Variants in SCN4A observed in about 807,000 individuals in gnomAD.
SCN4A encodes sodium voltage-gated channel alpha subunit 4.
A neutral mutation model predicts 162.0 loss-of-function variants in SCN4A; 83 were observed. The observed-to-expected ratio is 0.51, with a 90% CI of 0.43 to 0.61. SCN4A has a LOEUF of 0.61. Ranked by LOEUF, SCN4A falls within the 20% of genes least tolerant of loss-of-function variation. SCN4A has a pLI of 0.00. For synonymous variants in SCN4A, 944 were observed against 985.1 expected, an observed-to-expected ratio of 0.96 and a Z score of 0.78; for missense variants, 2,196 against 2,462.5, an observed-to-expected ratio of 0.89 and a Z score of 2.29.
At chr17:63,952,981 AT>A (rs1908961672) in intron 13 of SCN4A, among the ~76,000 whole-genome samples, 1 of 152,194 alleles carries the variant, frequency 6.6e-6, no homozygotes, top group East Asian at 1.9e-4. Flanking sequence ...CTCTGAGGCA[AT>A]TTGCCTCACT....
At position 63,945,014 on chromosome 17, in the gene SCN4A, G is replaced by T; in HGVS notation, c.3767C>A (p.Ser1256Tyr). The T allele has an allele frequency of 6.2e-7, 1 of 1,613,912 alleles. No homozygotes were observed. Among genetic ancestry groups the T allele is most frequent in the Non-Finnish European group, 8.5e-7 (1 of 1,179,848 alleles). Residue 1256 changes from serine to tyrosine, a missense_variant, in exon 20 of 24, where the codon TCC (serine) becomes TAC (tyrosine). Physicochemically the swap from Ser to Tyr is moderately radical, Grantham distance 144. Coordinates refer to ENST00000435607, the MANE Select transcript of SCN4A (RefSeq NM_000334.4). This position sits in a 1 kb window ranked among gnomAD's most constrained non-coding sequence, Gnocchi z 4.4. ...TCAGCGACCCCGACTCACCTCCCGG[G>T]AGTCCACGGCTGCATACATGATGTC... ...WMDIMYAAVDSREKEEQPQYE... is the reference protein window; with the variant it reads ...WMDIMYAAVDYREKEEQPQYE...
In SCN4A at chr17:63,951,170, G is replaced by A. The variant is rs1244876918; in HGVS notation, c.2853+254C>T. On this transcript the variant is annotated intron_variant, in intron 14 of 23. Coordinates refer to ENST00000435607, the MANE Select transcript of SCN4A (RefSeq NM_000334.4). The surrounding 1 kb of genome is among the most constrained non-coding windows in gnomAD (Gnocchi z 4.5). Reference sequence around the variant, plus strand: ...GAGAGGGGCCCAGGTGTTCTGGTCCGAGGGAATCAGGGTTTCTGGACAGAC... The same window carrying A: ...GAGAGGGGCCCAGGTGTTCTGGTCCAAGGGAATCAGGGTTTCTGGACAGAC... Among the ~76,000 whole-genome samples the A allele has an allele frequency of 2.0e-5, 3 of 152,198 alleles. No individual in the cohort carries two copies. The highest frequency in any genetic ancestry group is 7.2e-5 in the African/African-American group (3 of 41,446).
In SCN4A at chr17:63,940,309, T is replaced by G; in HGVS notation, c.*462A>C. 1 of 160,926 alleles carries G rather than the reference T, an allele frequency of 6.2e-6. No homozygotes were observed. The highest frequency in any genetic ancestry group is 1.3e-5 in the Non-Finnish European group (1 of 74,426). 10.0% of individuals were successfully genotyped at this position (160,926 alleles called of 1,614,324 possible). The stretch of plus-strand genomic sequence containing the variant: ...GTTAGGTGTCTGCACTCCCTGAGGT[T>G]AAGACATCTTTGTCTGGGCTGGGGC... On this transcript the variant is annotated 3_prime_UTR_variant, in exon 24 of 24. Coordinates refer to ENST00000435607, the MANE Select transcript of SCN4A (RefSeq NM_000334.4).
At chr17:63,942,050 G>A (rs564542671) in intron 23 of SCN4A, 57 bp from the exon 24 acceptor site, 3 of 1,492,212 alleles carry the variant, frequency 2.0e-6, no homozygotes, top group Admixed American at 2.3e-5. Flanking sequence ...GGCACAGGGT[G>A]TGGGGAGCAT....
chr17:63,966,624 T>G, intron 6 of SCN4A, 80 bp from the exon 7 acceptor site: 1 of 1,044,652 alleles, frequency 9.6e-7, no homozygotes, highest in South Asian at 1.3e-5. Flanking sequence ...TGCACACCTG[T>G]GGACAGGTCT....
chr17:63,964,945 G>T (rs1281250406), intron 8 of SCN4A, among the ~76,000 whole-genome samples: 1 of 152,234 alleles, frequency 6.6e-6, no homozygotes, highest in Non-Finnish European at 1.5e-5. Flanking sequence ...ATAGAAAATT[G>T]GTGAACATGG....
intron 13 of SCN4A, among the ~76,000 whole-genome samples, chr17:63,955,392 C>G (rs937726490): frequency 4.6e-5 from 7 of 152,242 alleles, no homozygotes; most frequent in African/African-American, 1.7e-4. Flanking sequence ...AACACCTGTA[C>G]TCCCAGCCAC....
intron 8 of SCN4A, among the ~76,000 whole-genome samples, chr17:63,965,460 G>A (rs1030437365): frequency 6.6e-6 from 1 of 151,992 alleles, no homozygotes; most frequent in Admixed American, 6.6e-5. Flanking sequence ...AACAGTAGAA[G>A]GCAAATAAAG....
chr17:63,967,083 G>A (rs1028376389), intron 6 of SCN4A, among the ~76,000 whole-genome samples: 3 of 152,144 alleles, frequency 2.0e-5, no homozygotes, highest in Non-Finnish European at 4.4e-5. Context: ...GTGGTGTGAT[G>A]AAGGAGGACA....
rs532827016 is a variant in SCN4A at position 63,957,179 on chromosome 17, C to A, written c.2359G>T (p.Val787Phe). 3.8e-6 allele frequency: 6 copies of A among 1,577,706 alleles called. No homozygotes were observed. The African/African-American group carries it at 6.7e-5, about 18-fold the overall frequency. Residue 787 changes from valine (V) to phenylalanine (F), a missense_variant, in exon 13 of 24, where the codon GTC (valine) becomes TTC (phenylalanine). Val to Phe is a conservative substitution (Grantham distance 50, BLOSUM62 -1). Coordinates refer to ENST00000435607, the MANE Select transcript of SCN4A (RefSeq NM_000334.4). ...MCLTVFLMVM[V>F]IGNLVVLNLF... Reference sequence around the variant, plus strand: ...TCACTCACCACAAGATTGCCGATGACCATGACCATGAGGAAGACGGTGAGG... The same window carrying A: ...TCACTCACCACAAGATTGCCGATGAACATGACCATGAGGAAGACGGTGAGG...
At chr17:63,953,668 C>A (rs1235744336) in intron 13 of SCN4A, among the ~76,000 whole-genome samples, 14 of 144,706 alleles carry the variant, frequency 9.7e-5, no homozygotes, top group Non-Finnish European at 1.5e-4. Context: ...GGTGACAGTG[C>A]GAGACCCTGC....
Position 63,972,324 on chromosome 17 carries a change from C to T in SCN4A, c.392+28G>A, listed in dbSNP as rs932403995. ...CCCATCTCGCCCATCCCTAACCCCT[C>T]CCGCCTCTCCCATCTTGGGCAGGAT... On this transcript the variant is annotated intron_variant, in intron 2 of 23. Coordinates refer to ENST00000435607, the MANE Select transcript of SCN4A (RefSeq NM_000334.4). The surrounding 1 kb of genome is among the most constrained non-coding windows in gnomAD (Gnocchi z 4.3). 36 of 1,605,758 alleles carry T rather than the reference C, an allele frequency of 2.2e-5. No individual in the cohort carries two copies. The highest frequency in any genetic ancestry group is 2.9e-5 in the Non-Finnish European group (34 of 1,174,326).
At chr17:63,955,061 G>A (rs1052302562) in intron 13 of SCN4A, among the ~76,000 whole-genome samples, 5 of 152,320 alleles carry the variant, frequency 3.3e-5, no homozygotes, top group Admixed American at 2.6e-4. Context: ...CTAAATAAAT[G>A]TCAGCTGTCA....
chr17:63,971,871 C>T lies in SCN4A; in HGVS notation c.483-21G>A, dbSNP rs9892202. The T allele has an allele frequency of 9.1e-4, 1,472 of 1,612,830 alleles. 15 individuals carry two copies. In the African/African-American group the frequency reaches 0.018, roughly 19 times the overall value. On this transcript the variant is annotated intron_variant, in intron 3 of 23. Transcript: ENST00000435607. The stretch of plus-strand genomic sequence containing the variant: ...TGTACCTGGGGGGGAGAGGGCCGGC[C>T]GGGACAGGCATGTCACCTGGGTAGG...
intron 12 of SCN4A, among the ~76,000 whole-genome samples, chr17:63,958,293 G>A (rs1454196297): frequency 6.6e-6 from 1 of 150,456 alleles, no homozygotes; most frequent in African/African-American, 2.4e-5. Context: ...GGAGGTCAAG[G>A]CTGCAGTGAG....
intron 15 of SCN4A, 59 bp from the exon 16 acceptor site, chr17:63,948,824 G>A (rs1908813944): frequency 1.3e-6 from 2 of 1,495,250 alleles, no homozygotes; most frequent in African/African-American, 1.4e-5. Flanking sequence ...GGTTGCCTTG[G>A]GGTGCACAGT....
At chr17:63,956,646 A>G (rs1386905259) in intron 13 of SCN4A, among the ~76,000 whole-genome samples, 8 of 152,250 alleles carry the variant, frequency 5.3e-5, no homozygotes, top group Admixed American at 5.2e-4. Flanking sequence ...TGTACACACT[A>G]TGGCATCATC....
intron 9 of SCN4A, 38 bp from the exon 10 acceptor site, chr17:63,963,863 T>C: frequency 3.2e-6 from 5 of 1,559,712 alleles, no homozygotes; most frequent in Non-Finnish European, 4.3e-6. Context: ...GAAGTCCAGC[T>C]CTGAGCCAGA....
At chr17:63,968,631 A>G (rs1248998504) in intron 5 of SCN4A, among the ~76,000 whole-genome samples, 1 of 152,240 alleles carries the variant, frequency 6.6e-6, no homozygotes, top group Non-Finnish European at 1.5e-5. Context: ...AAACAAAGGC[A>G]TACAGCAGAG....
Sources: allele counts gnomAD v4.1 joint callset (sites outside exome capture counted in the v4.1 genomes callset), GRCh38; gene constraint gnomAD v4.1.1; non-coding constraint Gnocchi (gnomAD v3.1); transcripts MANE v1.5; gene names NCBI Gene and HGNC (gene_info 2026-07-23, HGNC 2026-07-21).